WWOX: variants seen among roughly 807,000 people sequenced by gnomAD.
The protein encoded by WWOX is WW domain-containing oxidoreductase.
A neutral mutation model predicts 46.2 loss-of-function variants in WWOX; 69 were observed. That is an observed-to-expected ratio of 1.49 (90% CI 1.23 to 1.82). WWOX has a LOEUF of 1.82. Among genes scored for constraint, WWOX ranks in the 40% most tolerant of loss-of-function variants. The pLI, the probability that WWOX is intolerant of heterozygous loss-of-function variation, is 0.00. For missense variants in WWOX, 919 were observed against 542.6 expected, an observed-to-expected ratio of 1.69 and a Z score of -6.89; for synonymous variants, 359 against 202.6, an observed-to-expected ratio of 1.77 and a Z score of -6.56.
chr16:79,157,162 A>C (rs529047541), intron 8 of WWOX, among the ~76,000 whole-genome samples: 20 of 152,256 alleles, frequency 1.3e-4, no homozygotes, highest in African/African-American at 4.8e-4. Flanking sequence ...GAAGAGAAAA[A>C]GTGAGCAAGA....
intron 8 of WWOX, among the ~76,000 whole-genome samples, chr16:78,882,646 C>T (rs1324884666): frequency 6.6e-6 from 1 of 151,826 alleles, no homozygotes; most frequent in African/African-American, 2.4e-5. Context: ...TGCTACCGTG[C>T]CCAGCTAACT....
intron 5 of WWOX, among the ~76,000 whole-genome samples, chr16:78,375,066 AT>A (rs35134881): frequency 6.6e-6 from 1 of 152,086 alleles, no homozygotes; most frequent in Non-Finnish European, 1.5e-5. Flanking sequence ...AGGAAACCTT[AT>A]TTTTTTCCGA....
chr16:78,699,813 C>G (rs191695961), intron 8 of WWOX, among the ~76,000 whole-genome samples: 2 of 152,116 alleles, frequency 1.3e-5, no homozygotes, highest in East Asian at 1.9e-4. Flanking sequence ...TTTATGCATT[C>G]TTGTTAATTT....
intron 4 of WWOX, among the ~76,000 whole-genome samples, chr16:78,118,233 G>T (rs539163723): frequency 1.3e-4 from 19 of 151,936 alleles, no homozygotes; most frequent in African/African-American, 4.6e-4. Context: ...AGCTGTAAGT[G>T]ATACGGAGCT....
At chr16:78,300,799 A>G (rs1248694617) in intron 5 of WWOX, among the ~76,000 whole-genome samples, 1 of 152,168 alleles carries the variant, frequency 6.6e-6, no homozygotes, top group Non-Finnish European at 1.5e-5. Context: ...GACAGCTCTT[A>G]GGGATTTGTC....
intron 8 of WWOX, among the ~76,000 whole-genome samples, chr16:78,660,276 A>G (rs1395565678): frequency 6.6e-6 from 1 of 152,170 alleles, no homozygotes; most frequent in Non-Finnish European, 1.5e-5. Context: ...CTGTGAGCCC[A>G]TCACTAAAAT....
rs148174435 is a variant in WWOX, at chr16:78,226,099, C to T, written c.516+61810C>T. Among the ~76,000 whole-genome samples, 115 of 152,260 alleles carry T rather than the reference C, an allele frequency of 7.6e-4. 1 individual carries two copies. Among genetic ancestry groups the T allele is most frequent in the East Asian group, 4.8e-3 (25 of 5,176 alleles). On this transcript the variant is annotated intron_variant, in intron 5 of 8. Transcript: ENST00000566780. ...AGCATATACTGTTCAGTTGTTTATT[C>T]TTCAGCAACATCTGAGTATCCTCGA...
intron 5 of WWOX, among the ~76,000 whole-genome samples, chr16:78,348,648 G>A (rs2081134523): frequency 8.4e-6 from 1 of 118,706 alleles, no homozygotes; most frequent in East Asian, 1.9e-4. Flanking sequence ...TGTAGAGACG[G>A]GCTTTCCCCA....
intron 5 of WWOX, among the ~76,000 whole-genome samples, chr16:78,284,792 A>G (rs750068195): frequency 3.7e-4 from 57 of 152,348 alleles, no homozygotes; most frequent in Admixed American, 6.5e-4. Flanking sequence ...TTAAGAGTTG[A>G]CTTACAAAGC....
intron 8 of WWOX, among the ~76,000 whole-genome samples, chr16:78,529,545 C>T (rs118147448): frequency 0.076 from 11,602 of 152,104 alleles, 557 homozygotes; most frequent in East Asian, 0.12. Flanking sequence ...CTGCTCACTG[C>T]AACCTCCGCC....
intron 8 of WWOX, among the ~76,000 whole-genome samples, chr16:78,694,594 C>T (rs1295505807): frequency 2.0e-5 from 3 of 152,206 alleles, no homozygotes; most frequent in Non-Finnish European, 2.9e-5. Flanking sequence ...CACAGTAAAT[C>T]CAGCCCATTT....
chr16:78,309,304 C>G lies in WWOX; in HGVS notation c.517-77556C>G, dbSNP rs146680415. ...ATTCTGCTTCCTGCCGCTTTGTGAACCTGGTGCTTTGCTTCCACTCTGCCC... is the reference window on the plus strand; with the variant it reads ...ATTCTGCTTCCTGCCGCTTTGTGAAGCTGGTGCTTTGCTTCCACTCTGCCC... On this transcript the variant is annotated intron_variant, in intron 5 of 8. Coordinates refer to ENST00000566780, the MANE Select transcript of WWOX (RefSeq NM_016373.4). Among the ~76,000 whole-genome samples, 106 of 152,284 alleles carry G rather than the reference C, an allele frequency of 7.0e-4. 1 individual carries two copies. Among genetic ancestry groups the G allele is most frequent in the African/African-American group, 2.3e-3 (94 of 41,572 alleles).
chr16:79,067,440 G>A (rs189991688), intron 8 of WWOX, among the ~76,000 whole-genome samples: 4 of 151,910 alleles, frequency 2.6e-5, no homozygotes, highest in African/African-American at 9.7e-5. Context: ...AAAACTCCAC[G>A]TTTGGGCTTC....
intron 8 of WWOX, among the ~76,000 whole-genome samples, chr16:78,882,557 C>A (rs113742182): frequency 0.028 from 4,192 of 151,668 alleles, 105 homozygotes; most frequent in African/African-American, 0.058. Context: ...GCTCACTGCA[C>A]CCTCCTTCTC....
chr16:78,676,664 C>G (rs1435042365), intron 8 of WWOX, among the ~76,000 whole-genome samples: 1 of 152,146 alleles, frequency 6.6e-6, no homozygotes, highest in Non-Finnish European at 1.5e-5. Context: ...TATTAAACAG[C>G]TGAGTGAAGA....
chr16:78,295,626 G>A (rs144641831), intron 5 of WWOX, among the ~76,000 whole-genome samples: 174 of 152,300 alleles, frequency 1.1e-3, no homozygotes, highest in African/African-American at 4.0e-3. Flanking sequence ...TGGGAGAATC[G>A]CTTGAACCCA....
chr16:78,333,282 C>G (rs2080807399), intron 5 of WWOX, among the ~76,000 whole-genome samples: 1 of 150,602 alleles, frequency 6.6e-6, no homozygotes, highest in South Asian at 2.1e-4. Flanking sequence ...CCCCTGAGCT[C>G]AGGTGATCCG....
chr16:78,540,020 T>TCTCTCTCTCTCTCTCACA (rs369075883), intron 8 of WWOX, among the ~76,000 whole-genome samples: 2 of 132,852 alleles, frequency 1.5e-5, no homozygotes, highest in African/African-American at 3.0e-5. Flanking sequence ...TCTCTCTCTC[T>TCTCTCTCTCTCTCTCACA]CACACACACA....
At chr16:78,647,672 CA>C (rs2046875913) in intron 8 of WWOX, among the ~76,000 whole-genome samples, 1 of 152,214 alleles carries the variant, frequency 6.6e-6, no homozygotes, top group South Asian at 2.1e-4. Context: ...ATCAGACCAT[CA>C]CCTTCTTATA....
Sources: allele counts gnomAD v4.1 joint callset (sites outside exome capture counted in the v4.1 genomes callset), GRCh38; gene constraint gnomAD v4.1.1; transcripts MANE v1.5; gene names NCBI Gene and HGNC (gene_info 2026-07-23, HGNC 2026-07-21).